The following NALCN variants were observed in gnomAD, a reference collection of about 807,000 sequenced individuals.
NALCN encodes the protein sodium leak channel, non-selective, also known as sodium leak channel NALCN.
A neutral mutation model predicts 225.3 loss-of-function variants in NALCN; 111 were observed. That is an observed-to-expected ratio of 0.49 (90% CI 0.42 to 0.58). NALCN has a LOEUF of 0.58. NALCN is among the 20% of genes least tolerant of loss of function. The pLI is 0.00. For missense variants in NALCN, 1,378 were observed against 2,202.4 expected (o/e 0.63, Z 7.49); for synonymous variants, 764 against 769.0 (o/e 0.99, Z 0.11).
chr13:101,155,942 T>A (rs2037879440), intron 15 of NALCN, among the ~76,000 whole-genome samples: 1 of 152,224 alleles, frequency 6.6e-6, no homozygotes, highest in South Asian at 2.1e-4. Flanking sequence ...TATTTCTATT[T>A]CTCTACATTT....
At chr13:101,183,074 T>G (rs2039305648) in intron 14 of NALCN, among the ~76,000 whole-genome samples, 4 of 152,240 alleles carry the variant, frequency 2.6e-5, no homozygotes, top group Admixed American at 2.6e-4. Flanking sequence ...CAAGCCCTCA[T>G]TCTGAAAGGA....
intron 10 of NALCN, among the ~76,000 whole-genome samples, chr13:101,259,784 A>ATG (rs1160176558): frequency 2.0e-5 from 3 of 147,918 alleles, no homozygotes; most frequent in African/African-American, 4.9e-5. Context: ...ATATACACAT[A>ATG]TATATTTATG....
intron 17 of NALCN, among the ~76,000 whole-genome samples, chr13:101,140,636 A>T (rs142814273): frequency 1.7e-4 from 26 of 152,372 alleles, no homozygotes; most frequent in African/African-American, 6.3e-4. Context: ...TTTCAGACTG[A>T]CTGGCTGAAG....
chr13:101,307,425 T>A (rs1470592924), intron 7 of NALCN, among the ~76,000 whole-genome samples: 7 of 152,182 alleles, frequency 4.6e-5, no homozygotes, highest in Non-Finnish European at 1.0e-4. Flanking sequence ...CACTCTTACA[T>A]TAAAAATGAA....
At chr13:101,103,848 T>C (rs1324321545) in intron 25 of NALCN, among the ~76,000 whole-genome samples, 1 of 152,212 alleles carries the variant, frequency 6.6e-6, no homozygotes, top group African/African-American at 2.4e-5. Context: ...GGGCAACTGC[T>C]ATAGCCAGGT....
chr13:101,330,173 A>G (rs962703487), intron 7 of NALCN, among the ~76,000 whole-genome samples: 5 of 152,076 alleles, frequency 3.3e-5, no homozygotes, highest in Admixed American at 2.0e-4. Context: ...CCCTATGCCA[A>G]ATCAACACAA....
At position 101,376,682 on chromosome 13, in the gene NALCN, G is replaced by T; in HGVS notation, c.644+18C>A. 6.3e-7 allele frequency: 1 copy of T among 1,584,224 alleles called. No individual in the cohort carries two copies. Among genetic ancestry groups the T allele is most frequent in the Non-Finnish European group, 8.5e-7 (1 of 1,171,668 alleles). On this transcript the variant is annotated intron_variant, in intron 6 of 43. Transcript: ENST00000251127. ...TGTTAATCAACTAGATTAAAATGCA[G>T]TTAATAGATAAACTTACCCTGGCTT...
chr13:101,264,443 A>G (rs2042532439), intron 10 of NALCN, among the ~76,000 whole-genome samples: 1 of 152,064 alleles, frequency 6.6e-6, no homozygotes, highest in South Asian at 2.1e-4. Context: ...TACTAGATTA[A>G]TCCCCAAGGC....
At chr13:101,393,730 G>T (rs947476220) in intron 3 of NALCN, among the ~76,000 whole-genome samples, 7 of 152,106 alleles carry the variant, frequency 4.6e-5, no homozygotes, top group African/African-American at 1.7e-4. Context: ...TTGCTTGAAT[G>T]CAGGAGGCAG....
At chr13:101,152,122 G>A (rs1379176686) in intron 15 of NALCN, among the ~76,000 whole-genome samples, 1 of 152,116 alleles carries the variant, frequency 6.6e-6, no homozygotes, top group Non-Finnish European at 1.5e-5. Flanking sequence ...TTATTTGGAC[G>A]CATCGACTGA....
At chr13:101,366,408 G>T (rs999864192) in intron 6 of NALCN, among the ~76,000 whole-genome samples, 1 of 152,108 alleles carries the variant, frequency 6.6e-6, no homozygotes, top group Non-Finnish European at 1.5e-5. Flanking sequence ...TGAAACCCAA[G>T]ATATGCAAGT....
chr13:101,192,666 AAAAC>A (rs71121175), intron 13 of NALCN, among the ~76,000 whole-genome samples: 3 of 148,360 alleles, frequency 2.0e-5, no homozygotes, highest in East Asian at 1.9e-4. Flanking sequence ...CAAGACCAAA[AAAAC>A]AAACAAACAA....
In NALCN at chr13:101,089,642, A is replaced by G; in HGVS notation, c.3489+21T>C. On this transcript the variant is annotated intron_variant, in intron 30 of 43. Transcript: ENST00000251127. This position sits in a 1 kb window ranked among gnomAD's most constrained non-coding sequence, Gnocchi z 4.7. Reference sequence around the variant, plus strand: ...GCTAGAAAAGGCTAAACCCTGTGGTATCCAAACCAAAAATCCTTACCTTGT... The same window carrying G: ...GCTAGAAAAGGCTAAACCCTGTGGTGTCCAAACCAAAAATCCTTACCTTGT... 6.2e-7 allele frequency: 1 copy of G among 1,610,224 alleles called. No individual in the cohort carries two copies. Among genetic ancestry groups the G allele is most frequent in the Non-Finnish European group, 8.5e-7 (1 of 1,177,828 alleles).
In NALCN at chr13:101,142,936, C is replaced by T. The variant is rs748493148; in HGVS notation, c.2118+144G>A. 3.8e-5 allele frequency: 45 copies of T among 1,197,320 alleles called. 1 individual carries two copies. The African/African-American group carries it at 6.6e-4, about 17-fold the overall frequency. The allele number at this position is 1,197,320 out of a possible 1,614,324, so 74.2% of individuals were successfully genotyped here. On this transcript the variant is annotated intron_variant, in intron 17 of 43. Coordinates refer to ENST00000251127, the MANE Select transcript of NALCN (RefSeq NM_052867.4). ...GCATAGAGTAAAAAATGTTAGGTTT[C>T]ATGATATCTTTTACAAATGAAATCA...
chr13:101,151,174 C>T (rs1314998885), intron 15 of NALCN, among the ~76,000 whole-genome samples: 3 of 152,306 alleles, frequency 2.0e-5, no homozygotes, highest in African/African-American at 4.8e-5. Context: ...ACACATCGGG[C>T]GGCTGAAATC....
At chr13:101,304,242 G>A (rs1237888020) in intron 7 of NALCN, among the ~76,000 whole-genome samples, 2 of 151,328 alleles carry the variant, frequency 1.3e-5, no homozygotes, top group Admixed American at 6.6e-5. Context: ...AGACTTTTTT[G>A]TTATTTTATT....
At chr13:101,353,895 T>C (rs1485376462) in intron 6 of NALCN, among the ~76,000 whole-genome samples, 1 of 152,230 alleles carries the variant, frequency 6.6e-6, no homozygotes, top group Non-Finnish European at 1.5e-5. Flanking sequence ...TCTTGTTATA[T>C]CTGAATAGCT....
chr13:101,110,532 GAA>G (rs1157607266), intron 20 of NALCN, 85 bp downstream of exon 20: 4 of 1,399,168 alleles, frequency 2.9e-6, no homozygotes, highest in Non-Finnish European at 4.0e-6. Flanking sequence ...GAATGCAGCA[GAA>G]AGACACTGGG....
intron 6 of NALCN, among the ~76,000 whole-genome samples, chr13:101,364,256 G>C (rs544045783): frequency 6.6e-6 from 1 of 152,162 alleles, no homozygotes; most frequent in East Asian, 1.9e-4. Flanking sequence ...ATATATTTAA[G>C]AGATAGCAGC....
Sources: allele counts gnomAD v4.1 joint callset (sites outside exome capture counted in the v4.1 genomes callset), GRCh38; gene constraint gnomAD v4.1.1; non-coding constraint Gnocchi (gnomAD v3.1); transcripts MANE v1.5; gene names NCBI Gene and HGNC (gene_info 2026-07-23, HGNC 2026-07-21).